The following QRSL1 variants were observed in gnomAD, a reference collection of about 807,000 sequenced individuals.
QRSL1 encodes the protein glutamyl-tRNA(Gln) amidotransferase subunit A, mitochondrial.
A neutral mutation model predicts 61.6 loss-of-function variants in QRSL1; 54 were observed. The observed-to-expected ratio is 0.88, with a 90% CI of 0.70 to 1.10. The LOEUF is 1.10. Among genes scored for constraint, QRSL1 ranks in the 50% least tolerant of loss-of-function variants. The pLI, the probability that QRSL1 is intolerant of heterozygous loss-of-function variation, is 0.00. For synonymous variants in QRSL1, 228 were observed against 225.7 expected, an observed-to-expected ratio of 1.01 and a Z score of -0.09; for missense variants, 505 against 622.6, an observed-to-expected ratio of 0.81 and a Z score of 2.01.
intron 10 of QRSL1, 91 bp from the exon 11 acceptor site, chr6:106,665,691 G>A: frequency 2.8e-6 from 3 of 1,077,582 alleles, no homozygotes; most frequent in South Asian, 2.6e-5. Flanking sequence ...ACCTTATCCT[G>A]TATTGTACTT....
intron 4 of QRSL1, among the ~76,000 whole-genome samples, chr6:106,647,423 G>T (rs988847503): frequency 4.6e-5 from 7 of 151,482 alleles, no homozygotes; most frequent in Non-Finnish European, 1.5e-5. Flanking sequence ...GGTAGTGGAT[G>T]CCTGTAGTCC....
chr6:106,640,347 A>G lies in QRSL1; in HGVS notation c.25-2A>G, dbSNP rs1355861802. 2 of 1,610,578 alleles carry G rather than the reference A, an allele frequency of 1.2e-6. No individual in the cohort carries two copies. The highest frequency in any genetic ancestry group is 1.7e-6 in the Non-Finnish European group (2 of 1,177,338). On this transcript the variant is annotated splice_acceptor_variant, in intron 1 of 10. Coordinates refer to ENST00000369046, the MANE Select transcript of QRSL1 (RefSeq NM_018292.5). LOFTEE classifies it high-confidence loss of function. ...AAGGTTTTTGAATTGTATACACTAT[A>G]GGTTTCTGCGGCACTGAAACAAGGC... is the stretch of plus-strand genomic sequence containing the variant.
Position 106,639,116 on chromosome 6 carries a change from G to GTTTTTTTTTTTTTTTTTTTTTTTTT in QRSL1, c.25-1231_25-1230insTTTTTTTTTTTTTTTTTTTTTTTTT, listed in dbSNP as rs1554200732. Among the ~76,000 whole-genome samples the GTTTTTTTTTTTTTTTTTTTTTTTTT allele has an allele frequency of 2.2e-4, 12 of 54,362 alleles. 1 individual carries two copies. Among genetic ancestry groups the GTTTTTTTTTTTTTTTTTTTTTTTTT allele is most frequent in the Admixed American group, 1.1e-3 (6 of 5,266 alleles). The allele number at this position is 54,362 out of a possible 152,430, so 35.7% of individuals were successfully genotyped here. A position where few individuals can be genotyped will look rare whatever the true frequency, so the allele number is the denominator to read the frequency against. Reference sequence around the variant, plus strand: ...ACTTGTGTGGTTATTTGTGTGTTTTGTTGTTTTTTTTTTTTTTTTTTTTTT... The same window carrying GTTTTTTTTTTTTTTTTTTTTTTTTT: ...ACTTGTGTGGTTATTTGTGTGTTTTGTTTTTTTTTTTTTTTTTTTTTTTTTTTGTTTTTTTTTTTTTTTTTTTTTT... On this transcript the variant is annotated intron_variant, in intron 1 of 10. Transcript: ENST00000369046.
At chr6:106,648,488 A>G (rs768320207) in intron 4 of QRSL1, among the ~76,000 whole-genome samples, 3 of 152,216 alleles carry the variant, frequency 2.0e-5, no homozygotes, top group African/African-American at 7.2e-5. Flanking sequence ...ATATATGTAC[A>G]TATGTACAAA....
chr6:106,629,632 CT>C lies in QRSL1; in HGVS notation c.-45del. 6.3e-7 allele frequency: 1 copy of C among 1,577,318 alleles called. No homozygotes were observed. The highest frequency in any genetic ancestry group is 1.8e-5 in the Admixed American group (1 of 54,524). On this transcript the variant is annotated 5_prime_UTR_variant, in exon 1 of 11. Transcript: ENST00000369046. ...TAACATCACTAGCGACCGGTGACCTCTTTTTCCCCCTTGCCTGGCTCCTGTG... is the reference window on the plus strand; with the variant it reads ...TAACATCACTAGCGACCGGTGACCTCTTTTCCCCCTTGCCTGGCTCCTGTG...
At chr6:106,640,292 TA>T in intron 1 of QRSL1, 56 bp from the exon 2 acceptor site, 1 of 1,111,502 alleles carries the variant, frequency 9.0e-7, no homozygotes, top group Non-Finnish European at 1.3e-6. Flanking sequence ...CCCACCAATA[TA>T]ACAATTGAAA....
intron 1 of QRSL1, 110 bp from the exon 2 acceptor site, chr6:106,640,239 T>A (rs1262024208): frequency 1.1e-6 from 1 of 944,586 alleles, no homozygotes; most frequent in Non-Finnish European, 1.6e-6. Flanking sequence ...AACCCAAGCC[T>A]CACTTTAAAA....
chr6:106,630,858 TTAAA>T (rs1308964885), intron 1 of QRSL1, among the ~76,000 whole-genome samples: 17 of 152,222 alleles, frequency 1.1e-4, no homozygotes, highest in African/African-American at 4.1e-4. Context: ...TCCACAGGCT[TTAAA>T]TAATAGTTCT....
In QRSL1 at chr6:106,652,385, G is replaced by C; in HGVS notation, c.733+1G>C. 1 of 1,613,980 alleles carries C rather than the reference G, an allele frequency of 6.2e-7. No individual in the cohort carries two copies. The highest frequency in any genetic ancestry group is 8.5e-7 in the Non-Finnish European group (1 of 1,179,922). On this transcript the variant is annotated splice_donor_variant, in intron 6 of 10. Transcript: ENST00000369046. LOFTEE classifies it high-confidence loss of function. ...GTGGATGATGCAGCAATTGTGTTGGGTATTTATATAATTCTATATCATTTG... is the reference window on the plus strand; with the variant it reads ...GTGGATGATGCAGCAATTGTGTTGGCTATTTATATAATTCTATATCATTTG...
At chr6:106,642,879 G>C in intron 3 of QRSL1, 115 bp from the exon 4 acceptor site, 1 of 831,616 alleles carries the variant, frequency 1.2e-6, no homozygotes, top group Non-Finnish European at 2.1e-6. Flanking sequence ...AGAACCAATG[G>C]GAAGGCTCCT....
chr6:106,638,016 C>G (rs1168795804), intron 1 of QRSL1, among the ~76,000 whole-genome samples: 1 of 152,156 alleles, frequency 6.6e-6, no homozygotes, highest in Non-Finnish European at 1.5e-5. Flanking sequence ...TAGCTTTTAT[C>G]CTTATACCAG....
intron 5 of QRSL1, among the ~76,000 whole-genome samples, chr6:106,651,797 T>G (rs1777190755): frequency 6.6e-6 from 1 of 152,168 alleles, no homozygotes; most frequent in Admixed American, 6.5e-5. Context: ...AGTGCAAGAT[T>G]TATATGTATA....
chr6:106,659,805 G>A (rs1158624714), intron 9 of QRSL1, among the ~76,000 whole-genome samples: 1 of 152,180 alleles, frequency 6.6e-6, no homozygotes, highest in Non-Finnish European at 1.5e-5. Flanking sequence ...GTGATGCTTT[G>A]ATGCTGCATA....
intron 9 of QRSL1, 54 bp from the exon 10 acceptor site, chr6:106,662,926 T>C (rs1777379116): frequency 2.1e-6 from 3 of 1,413,118 alleles, no homozygotes; most frequent in Non-Finnish European, 3.0e-6. Flanking sequence ...AGATAATTGA[T>C]TAAAAGAAAA....
chr6:106,659,845 A>G (rs1289992022), intron 9 of QRSL1, among the ~76,000 whole-genome samples: 3 of 152,136 alleles, frequency 2.0e-5, no homozygotes. Context: ...GGCTGTTCGA[A>G]ACACAAACTT....
chr6:106,643,406 T>G (rs1386967350), intron 4 of QRSL1, among the ~76,000 whole-genome samples: 1 of 152,164 alleles, frequency 6.6e-6, no homozygotes, highest in Non-Finnish European at 1.5e-5. Context: ...GTAAGAATCC[T>G]TTCTGGCTCA....
rs1327006054 is a variant in QRSL1 at position 106,668,140 on chromosome 6, T to C, written c.*2138T>C. 1 of 152,122 alleles carries C rather than the reference T, an allele frequency of 6.6e-6. No homozygotes were observed. Among genetic ancestry groups the C allele is most frequent in the Non-Finnish European group, 1.5e-5 (1 of 68,042 alleles). The allele number at this position is 152,122 out of a possible 1,614,324, so 9.4% of individuals were successfully genotyped here. A position where few individuals can be genotyped will look rare whatever the true frequency, so the allele number is the denominator to read the frequency against. Reference sequence around the variant, plus strand: ...ATATATTCAATGATATTATTCAGTATTCAATATTATTTCAAATAATATTAA... The same window carrying C: ...ATATATTCAATGATATTATTCAGTACTCAATATTATTTCAAATAATATTAA... On this transcript the variant is annotated 3_prime_UTR_variant, in exon 11 of 11. Transcript: ENST00000369046.
intron 4 of QRSL1, 39 bp downstream of exon 4, chr6:106,643,129 C>A: frequency 7.3e-7 from 1 of 1,378,186 alleles, no homozygotes; most frequent in Non-Finnish European, 1.0e-6. Context: ...TTTCTTCTGT[C>A]TGTGCCTTTA....
chr6:106,650,230 C>T (rs1468698642), intron 5 of QRSL1, among the ~76,000 whole-genome samples: 1 of 152,140 alleles, frequency 6.6e-6, no homozygotes, highest in Non-Finnish European at 1.5e-5. Flanking sequence ...GGCATTTTGA[C>T]ACATAATTCC....
Sources: gnomAD v4.1 joint callset for allele counts (sites outside exome capture counted in the v4.1 genomes callset) on GRCh38, gnomAD v4.1.1 for gene constraint, MANE v1.5 for transcripts, NCBI Gene and HGNC (gene_info 2026-07-23, HGNC 2026-07-21) for gene names.